Variants in KATNIP observed in about 807,000 individuals in gnomAD.
KATNIP encodes katanin-interacting protein.
In KATNIP, 126 loss-of-function variants were observed where a neutral mutation model predicts 174.0. The ratio of observed to expected loss-of-function variants is 0.72; its 90% CI spans 0.63 to 0.84. The LOEUF is 0.84. KATNIP is among the 40% of genes least tolerant of loss of function. KATNIP has a pLI of 0.00. For synonymous variants in KATNIP, 810 were observed against 835.7 expected (o/e 0.97, Z 0.53); for missense variants, 1,958 against 2,109.7 (o/e 0.93, Z 1.41).
At chr16:27,596,333 C>G (rs1429106524) in intron 2 of KATNIP, among the ~76,000 whole-genome samples, 1 of 152,184 alleles carries the variant, frequency 6.6e-6, no homozygotes, top group South Asian at 2.1e-4. Context: ...AAAACAAGAC[C>G]TCTAAGTCTT....
intron 20 of KATNIP, among the ~76,000 whole-genome samples, chr16:27,768,832 C>T (rs2082205440): frequency 6.6e-6 from 1 of 152,236 alleles, no homozygotes; most frequent in South Asian, 2.1e-4. Flanking sequence ...AGGGACCCTT[C>T]CTCCCTTCCT....
chr16:27,706,075 C>T (rs550334910), intron 12 of KATNIP, among the ~76,000 whole-genome samples: 1 of 152,322 alleles, frequency 6.6e-6, no homozygotes, highest in East Asian at 1.9e-4. Context: ...GAAAATGACA[C>T]AGGGAGGGCC....
At chr16:27,719,474 G>A (rs2080112822) in intron 13 of KATNIP, among the ~76,000 whole-genome samples, 2 of 151,498 alleles carry the variant, frequency 1.3e-5, no homozygotes, top group South Asian at 4.2e-4. Flanking sequence ...CTGGGTTCAA[G>A]CGATTCTCCT....
intron 14 of KATNIP, among the ~76,000 whole-genome samples, chr16:27,724,199 G>A (rs556326682): frequency 6.6e-6 from 1 of 152,218 alleles, no homozygotes; most frequent in Non-Finnish European, 1.5e-5. Flanking sequence ...AGCCCACATA[G>A]CCATGGCACA....
chr16:27,699,538 C>T lies in KATNIP; in HGVS notation c.1118C>T (p.Ala373Val). The T allele has an allele frequency of 6.2e-7, 1 of 1,614,020 alleles. No individual in the cohort carries two copies. Among genetic ancestry groups the T allele is most frequent in the South Asian group, 1.1e-5 (1 of 91,078 alleles). Reference sequence around the variant, plus strand: ...CATGTGATCACATCCTTCCAGGATGCAGAAGGACCACCAGCAAAACCATGG... The same window carrying T: ...CATGTGATCACATCCTTCCAGGATGTAGAAGGACCACCAGCAAAACCATGG... ...AEQPASPLQDAEGPPAKPWTS... is the reference protein window; with the variant it reads ...AEQPASPLQDVEGPPAKPWTS... The change falls in exon 10 of 28, where the codon GCA becomes GTA. Residue 373 changes from alanine to valine, a missense_variant. Ala to Val is a moderately conservative substitution (Grantham distance 64). Transcript: ENST00000261588.
At chr16:27,616,099 C>A (rs929814163) in intron 2 of KATNIP, among the ~76,000 whole-genome samples, 3 of 152,188 alleles carry the variant, frequency 2.0e-5, no homozygotes, top group African/African-American at 7.2e-5. Context: ...TGGCCAGGTG[C>A]GGTGGCTCGC....
rs183928625 is a variant in KATNIP, at chr16:27,773,866, A to C, written c.4309+657A>C. 5.9e-5 allele frequency among the ~76,000 whole-genome samples: 9 copies of C among 152,040 alleles called. No homozygotes were observed. The East Asian group carries it at 1.5e-3, about 26-fold the overall frequency. Reference sequence around the variant, plus strand: ...TGTTATCTACCAGGCCCCGAAACTCACTGCTAATATTTTCTCAGGGCTCAC... The same window carrying C: ...TGTTATCTACCAGGCCCCGAAACTCCCTGCTAATATTTTCTCAGGGCTCAC... On this transcript the variant is annotated intron_variant, in intron 23 of 27. Transcript: ENST00000261588.
At chr16:27,772,755 G>C (rs1316403676) in intron 22 of KATNIP, among the ~76,000 whole-genome samples, 1 of 152,128 alleles carries the variant, frequency 6.6e-6, no homozygotes, top group African/African-American at 2.4e-5. Context: ...CATCCTGCCT[G>C]CTCCCTGGAG....
chr16:27,555,845 A>AG (rs1401451967), intron 1 of KATNIP, among the ~76,000 whole-genome samples: 4 of 151,836 alleles, frequency 2.6e-5, no homozygotes, highest in African/African-American at 9.7e-5. Context: ...TCAAAAAAAA[A>AG]AAAAGTTCCT....
At position 27,750,105 on chromosome 16, in the gene KATNIP, C is replaced by T; in HGVS notation, c.3145C>T (p.Leu1049=). 2 of 1,614,190 alleles carry T rather than the reference C, an allele frequency of 1.2e-6. No individual in the cohort carries two copies. The highest frequency in any genetic ancestry group is 2.2e-5 in the South Asian group (2 of 91,078). Residue 1049 remains leucine, a synonymous_variant, in exon 16 of 28, where the codon CTG becomes TTG. Transcript: ENST00000261588. ...NRTQDDMHVW[L]APFTRGRSHS... is the part of the protein sequence containing the mutation. ...GACCCAGGATGACATGCATGTCTGG[C>T]TGGCCCCCTTCACGCGGGGCAGATC...
At chr16:27,556,403 A>G (rs1426511759) in intron 1 of KATNIP, among the ~76,000 whole-genome samples, 1 of 152,220 alleles carries the variant, frequency 6.6e-6, no homozygotes, top group Non-Finnish European at 1.5e-5. Flanking sequence ...AAAAATATGA[A>G]ATGGTTTAGG....
rs533009424 is a variant in KATNIP at position 27,605,944 on chromosome 16, A to G, written c.64-12481A>G. Among the ~76,000 whole-genome samples, 3 of 152,282 alleles carry G rather than the reference A, an allele frequency of 2.0e-5. No homozygotes were observed. The South Asian group carries it at 6.2e-4, about 32-fold the overall frequency. Reference sequence around the variant, plus strand: ...CAGGAGTTCGAGACTAGCCTGGCCAACATGACAAAACCCTGTCTCTATTAA... The same window carrying G: ...CAGGAGTTCGAGACTAGCCTGGCCAGCATGACAAAACCCTGTCTCTATTAA... On this transcript the variant is annotated intron_variant, in intron 2 of 27. Transcript: ENST00000261588.
intron 2 of KATNIP, among the ~76,000 whole-genome samples, chr16:27,575,849 C>T (rs1014717814): frequency 1.2e-4 from 19 of 152,144 alleles, no homozygotes; most frequent in African/African-American, 4.6e-4. Flanking sequence ...TAAGTGTCGC[C>T]CAAGTGGGCA....
chr16:27,553,764 AGGTCAAGACCAGCCTG>A (rs1188929721), intron 1 of KATNIP, among the ~76,000 whole-genome samples: 1 of 152,192 alleles, frequency 6.6e-6, no homozygotes, highest in East Asian at 1.9e-4. Context: ...TGAGCCCAGG[AGGTCAAGACCAGCCTG>A]GGCAACTTAG....
At chr16:27,708,168 C>T (rs530845549) in intron 12 of KATNIP, among the ~76,000 whole-genome samples, 228 of 152,138 alleles carry the variant, frequency 1.5e-3, no homozygotes, top group Non-Finnish European at 1.8e-3. Flanking sequence ...AGGCATGTGC[C>T]GCTGTGCCAA....
chr16:27,700,221 A>C (rs993158316), intron 10 of KATNIP, among the ~76,000 whole-genome samples: 1 of 152,220 alleles, frequency 6.6e-6, no homozygotes, highest in Admixed American at 6.5e-5. Flanking sequence ...CTATATTTCT[A>C]TTTATTGACA....
chr16:27,653,489 C>T (rs546752118), intron 6 of KATNIP, among the ~76,000 whole-genome samples: 1 of 152,090 alleles, frequency 6.6e-6, no homozygotes, highest in African/African-American at 2.4e-5. Flanking sequence ...AGTGATGAGA[C>T]TTAGGGCAGT....
intron 18 of KATNIP, among the ~76,000 whole-genome samples, chr16:27,760,128 C>G (rs1363530418): frequency 6.6e-6 from 1 of 152,210 alleles, no homozygotes; most frequent in Non-Finnish European, 1.5e-5. Flanking sequence ...CCTCTCTGGG[C>G]TTCCAGTTCC....
intron 6 of KATNIP, among the ~76,000 whole-genome samples, chr16:27,650,087 C>G (rs918180575): frequency 4.6e-5 from 7 of 152,026 alleles, no homozygotes; most frequent in Middle Eastern, 3.2e-3. Context: ...ACAGGAGAAC[C>G]TCTTGAACCC....
Sources: gnomAD v4.1 joint callset for allele counts (sites outside exome capture counted in the v4.1 genomes callset) on GRCh38, gnomAD v4.1.1 for gene constraint, MANE v1.5 for transcripts, NCBI Gene and HGNC (gene_info 2026-07-23, HGNC 2026-07-21) for gene names.